ALG8: variants seen among roughly 807,000 people sequenced by gnomAD.
ALG8 encodes ALG8 alpha-1,3-glucosyltransferase.
In ALG8, 48 loss-of-function variants were observed where a neutral mutation model predicts 70.2. That is an observed-to-expected ratio of 0.68 (90% CI 0.54 to 0.87). The LOEUF (loss-of-function observed/expected upper bound fraction) is 0.87, where lower values mean the gene tolerates loss of function less well. ALG8 is among the 40% of genes least tolerant of loss of function. The probability of loss-of-function intolerance (pLI) is 0.00; values close to 1 mark genes in which losing one functional copy is unlikely to be tolerated. For missense variants in ALG8, 572 were observed against 608.7 expected (o/e 0.94, Z 0.64); for synonymous variants, 234 against 229.0 (o/e 1.02, Z -0.20).
chr11:78,106,802 C>T lies in ALG8; in HGVS notation c.1178+5G>A. 2 of 1,613,932 alleles carry T rather than the reference C, an allele frequency of 1.2e-6. No individual in the cohort carries two copies. The highest frequency in any genetic ancestry group is 1.1e-5 in the South Asian group (1 of 91,086). The stretch of plus-strand genomic sequence containing the variant: ...AAATGCTCACTGGCTGAGCTATCTG[C>T]TTACCTCATTGGGAGAATTGCTAGA... On this transcript the variant is annotated splice_donor_5th_base_variant and intron_variant, in intron 10 of 12. Transcript: ENST00000299626.
At chr11:78,109,199 C>CG (rs1454097976) in intron 9 of ALG8, among the ~76,000 whole-genome samples, 3 of 152,102 alleles carry the variant, frequency 2.0e-5, no homozygotes. Flanking sequence ...TCCCTTCCCC[C>CG]GGGTGAACAG....
At chr11:78,121,891 T>C (rs1860839901) in intron 3 of ALG8, among the ~76,000 whole-genome samples, 1 of 152,314 alleles carries the variant, frequency 6.6e-6, no homozygotes, top group South Asian at 2.1e-4. Context: ...CATTTAAATG[T>C]TGAGATATAT....
At chr11:78,114,463 G>A in intron 5 of ALG8, 71 bp from the exon 6 acceptor site, 1 of 1,558,182 alleles carries the variant, frequency 6.4e-7, no homozygotes, top group Non-Finnish European at 8.8e-7. Context: ...TGGTATTCTA[G>A]ATTGAATCCT....
At chr11:78,116,357 A>G (rs944793153) in intron 5 of ALG8, among the ~76,000 whole-genome samples, 7 of 152,010 alleles carry the variant, frequency 4.6e-5, no homozygotes, top group African/African-American at 1.7e-4. Context: ...GTGACAATGC[A>G]AGATGCTATC....
Position 78,101,156 on chromosome 11 carries a change from G to C in ALG8, c.1389C>G (p.Tyr463Ter). The C allele has an allele frequency of 1.2e-6, 2 of 1,614,160 alleles. No homozygotes were observed. Among genetic ancestry groups the C allele is most frequent in the Non-Finnish European group, 1.7e-6 (2 of 1,180,016 alleles). Residue 463 changes from tyrosine (Y) to a stop codon, truncating the protein, a stop_gained, in exon 13 of 13, where the codon TAC becomes TAG. Coordinates refer to ENST00000299626, the MANE Select transcript of ALG8 (RefSeq NM_024079.5). LOFTEE classifies it high-confidence loss of function. ...CTTCCAGAGGCCCCAGGCCAAGCAG[G>C]TAGAAAGTTTCCATCCAATTAAAAA... is the stretch of plus-strand genomic sequence containing the variant. ...KPLFNWMETF[Y>*]LLGLGPLEVC...
intron 11 of ALG8, 44 bp downstream of exon 11, chr11:78,104,312 G>C: frequency 6.7e-7 from 1 of 1,496,104 alleles, no homozygotes. Flanking sequence ...TCGATGAAAA[G>C]GTTGTGATAG....
chr11:78,128,921 A>G (rs1387514705), intron 1 of ALG8, among the ~76,000 whole-genome samples: 1 of 151,718 alleles, frequency 6.6e-6, no homozygotes, highest in African/African-American at 2.4e-5. Flanking sequence ...GCCTACTCCC[A>G]AATTTCAATA....
chr11:78,110,382 G>A (rs1239298748), intron 8 of ALG8, among the ~76,000 whole-genome samples: 1 of 152,100 alleles, frequency 6.6e-6, no homozygotes, highest in African/African-American at 2.4e-5. Flanking sequence ...AGTAGAGACG[G>A]GGTGTCACCA....
intron 2 of ALG8, among the ~76,000 whole-genome samples, chr11:78,125,311 C>T (rs991755152): frequency 4.0e-5 from 6 of 151,406 alleles, no homozygotes; most frequent in South Asian, 4.3e-4. Flanking sequence ...GGATTACAGG[C>T]GTGAGCCACC....
At chr11:78,123,044 A>C (rs1860894705) in intron 3 of ALG8, among the ~76,000 whole-genome samples, 1 of 147,740 alleles carries the variant, frequency 6.8e-6, no homozygotes, top group African/African-American at 2.5e-5. Flanking sequence ...GCAGCGGCTC[A>C]TGCCTGTAAT....
intron 2 of ALG8, among the ~76,000 whole-genome samples, chr11:78,126,516 G>A (rs7930063): frequency 7.1e-6 from 1 of 140,906 alleles, no homozygotes; most frequent in Non-Finnish European, 1.5e-5. Flanking sequence ...TGGGTGACAA[G>A]AGCGAGACTC....
chr11:78,133,223 A>G (rs751640893), intron 1 of ALG8, among the ~76,000 whole-genome samples: 19 of 152,188 alleles, frequency 1.2e-4, no homozygotes, highest in Non-Finnish European at 2.6e-4. Context: ...TTACTGAACT[A>G]CACACTTCAC....
chr11:78,132,047 G>C (rs891724549), intron 1 of ALG8, among the ~76,000 whole-genome samples: 2 of 152,054 alleles, frequency 1.3e-5, no homozygotes, highest in African/African-American at 4.8e-5. Flanking sequence ...ACCTGTCTTT[G>C]TCTTACTCTA....
intron 7 of ALG8, 85 bp from the exon 8 acceptor site, chr11:78,112,855 T>G (rs1293940337): frequency 7.5e-5 from 115 of 1,525,072 alleles, no homozygotes; most frequent in Non-Finnish European, 9.6e-5. Flanking sequence ...CTCTATGGTA[T>G]AGTGTGTAGA....
chr11:78,123,697 G>T (rs2136924989), intron 3 of ALG8, among the ~76,000 whole-genome samples: 1 of 152,240 alleles, frequency 6.6e-6, no homozygotes, highest in African/African-American at 2.4e-5. Context: ...GCGGCCTGCT[G>T]CAAGGAAGCA....
At chr11:78,127,334 A>G in intron 2 of ALG8, 24 bp downstream of exon 2, 1 of 1,587,198 alleles carries the variant, frequency 6.3e-7, no homozygotes, top group Non-Finnish European at 8.6e-7. Context: ...TCTTAAAAAA[A>G]AAAAGGTGAA....
intron 5 of ALG8, among the ~76,000 whole-genome samples, chr11:78,118,460 A>G (rs1319225878): frequency 6.6e-6 from 1 of 151,370 alleles, no homozygotes; most frequent in African/African-American, 2.4e-5. Flanking sequence ...TAATAAAAAT[A>G]CAAAAATTAG....
chr11:78,126,965 G>C (rs61454279), intron 2 of ALG8, among the ~76,000 whole-genome samples: 56,788 of 149,996 alleles, frequency 0.38, 11,645 homozygotes, highest in Non-Finnish European at 0.46. Context: ...AGATTAATTA[G>C]ATCTATGATT....
At chr11:78,106,303 T>G (rs2136882202) in intron 10 of ALG8, among the ~76,000 whole-genome samples, 1 of 152,194 alleles carries the variant, frequency 6.6e-6, no homozygotes, top group Non-Finnish European at 1.5e-5. Context: ...GTTCAAGCAA[T>G]TCTCCTGCCT....
Sources: allele counts gnomAD v4.1 joint callset (sites outside exome capture counted in the v4.1 genomes callset), GRCh38; gene constraint gnomAD v4.1.1; transcripts MANE v1.5; gene names NCBI Gene and HGNC (gene_info 2026-07-23, HGNC 2026-07-21).